The following TRIM40 variants were observed in gnomAD, a reference collection of about 807,000 sequenced individuals.
The protein encoded by TRIM40 is tripartite motif containing 40.
TRIM40 carries 27 observed loss-of-function variants against 26.1 expected under a neutral mutation model. The observed-to-expected ratio is 1.04, with a 90% CI of 0.76 to 1.43. The LOEUF is 1.43. TRIM40 is among the 40% of genes most tolerant of loss of function. The pLI is 0.00. For synonymous variants in TRIM40, 114 were observed against 120.0 expected (o/e 0.95, Z 0.33); for missense variants, 289 against 307.9 (o/e 0.94, Z 0.46).
In TRIM40 at chr6:30,137,351, G is replaced by C; in HGVS notation, c.315G>C (p.Leu105=). The change falls in exon 2 of 6, where the codon CTG becomes CTC. Residue 105 remains leucine (L), a synonymous_variant. Coordinates refer to ENST00000396581, the MANE Select transcript of TRIM40 (RefSeq NM_001286633.2). The part of the protein sequence containing the change: ...VSPEHMSHHE[L]TIENALSHYK... ...CTGAACACATGTCTCATCATGAACT[G>C]ACCATTGAAAATGCCCTCAGCCACT... is the stretch of plus-strand genomic sequence containing the variant. 3 of 1,612,832 alleles carry C rather than the reference G, an allele frequency of 1.9e-6. No individual in the cohort carries two copies. Among genetic ancestry groups the C allele is most frequent in the African/African-American group, 1.3e-5 (1 of 75,036 alleles).
Position 30,137,030 on chromosome 6 carries a change from C to A in TRIM40, c.-7C>A. On this transcript the variant is annotated 5_prime_UTR_variant, in exon 2 of 6. Transcript: ENST00000396581. ...AAACAGGAGGCTGACAGGGTAGGAA[C>A]GAGGCCATGATCCCTTTGCAGAAGG... The A allele has an allele frequency of 1.2e-6, 2 of 1,610,446 alleles. No homozygotes were observed. The highest frequency in any genetic ancestry group is 2.2e-5 in the East Asian group (1 of 44,860).
rs115401738 is a variant in TRIM40 at position 30,146,222 on chromosome 6, T to G, written c.441+133T>G. 3.2e-3 allele frequency: 2,318 copies of G among 733,190 alleles called. 34 individuals carry two copies. Among genetic ancestry groups the G allele is most frequent in the African/African-American group, 0.029 (1,606 of 56,190 alleles). The allele number at this position is 733,190 out of a possible 1,614,324, so 45.4% of individuals were successfully genotyped here. ...TGGTCGTGGAGGCTGAAAACCCGGG[T>G]GTTGGCCTTGGCGTCAAAGTTTGCT... On this transcript the variant is annotated intron_variant, in intron 3 of 5. Transcript: ENST00000396581.
At position 30,146,033 on chromosome 6, in the gene TRIM40, A is replaced by G. The variant is rs756736413; in HGVS notation, c.385A>G (p.Ile129Val). The G allele has an allele frequency of 3.4e-5, 55 of 1,612,948 alleles. No homozygotes were observed. The highest frequency in any genetic ancestry group is 4.4e-5 in the Non-Finnish European group (52 of 1,180,034). Residue 129 changes from isoleucine (I) to valine (V), a missense_variant, in exon 3 of 6, where the codon ATT becomes GTT. By Grantham distance (29) the Ile-to-Val change is conservative. Transcript: ENST00000396581. ...NRRSRKLRKD[I>V]AELQRLKAQQ... ...CCGGAGCAGGAAGCTCAGAAAGGAC[A>G]TTGCAGAACTTCAGCGGCTCAAGGC... is the stretch of plus-strand genomic sequence containing the variant.
At chr6:30,145,468 C>A (rs9261511) in intron 2 of TRIM40, among the ~76,000 whole-genome samples, 26,848 of 152,052 alleles carry the variant, frequency 0.18, 2,934 homozygotes, top group East Asian at 0.24. Context: ...AAGGACACAG[C>A]GACACATCCA....
chr6:30,136,854 C>A lies in TRIM40; in HGVS notation c.-183C>A. ...GGTTTGTGTGGTCTATGTCACGGCA[C>A]CCTTGAGGGAGAGTGGGCAATTGCC... is the stretch of plus-strand genomic sequence containing the variant. On this transcript the variant is annotated 5_prime_UTR_variant, in exon 2 of 6. Coordinates refer to ENST00000396581, the MANE Select transcript of TRIM40 (RefSeq NM_001286633.2). 1.6e-6 allele frequency: 1 copy of A among 610,770 alleles called. No individual in the cohort carries two copies. The highest frequency in any genetic ancestry group is 2.0e-5 in the South Asian group (1 of 49,250). The allele number at this position is 610,770 out of a possible 1,614,324, so 37.8% of individuals were successfully genotyped here.
intron 2 of TRIM40, among the ~76,000 whole-genome samples, 159 bp downstream of exon 2, chr6:30,137,540 G>C (rs1771092567): frequency 6.6e-6 from 1 of 152,140 alleles, no homozygotes; most frequent in Non-Finnish European, 1.5e-5. Flanking sequence ...TTGCTTTTCT[G>C]TGTATATTTT....
intron 2 of TRIM40, among the ~76,000 whole-genome samples, chr6:30,138,029 T>A (rs944394198): frequency 6.6e-6 from 1 of 152,042 alleles, no homozygotes; most frequent in African/African-American, 2.4e-5. Context: ...TTTTTGTACA[T>A]CCTTCCAAAA....
intron 2 of TRIM40, 120 bp downstream of exon 2, chr6:30,137,501 T>A (rs1771090455): frequency 1.1e-6 from 1 of 873,284 alleles, no homozygotes; most frequent in African/African-American, 1.7e-5. Flanking sequence ...CTTTGTTTCT[T>A]CTGCTTCATC....
intron 2 of TRIM40, among the ~76,000 whole-genome samples, chr6:30,140,324 T>C (rs1427601835): frequency 6.6e-6 from 1 of 152,202 alleles, no homozygotes; most frequent in Non-Finnish European, 1.5e-5. Context: ...CCAACCCAAA[T>C]GCCCATCAAC....
At chr6:30,146,419 A>AT (rs533553305) in intron 3 of TRIM40, among the ~76,000 whole-genome samples, 2,014 of 148,240 alleles carry the variant, frequency 0.014, 35 homozygotes, top group African/African-American at 0.035. Flanking sequence ...ATTTTATTTT[A>AT]TTTTTTTTTT....
intron 2 of TRIM40, among the ~76,000 whole-genome samples, chr6:30,143,294 G>A (rs117432766): frequency 0.021 from 3,266 of 152,054 alleles, 83 homozygotes; most frequent in Admixed American, 0.057. Flanking sequence ...TCTTTGCTGA[G>A]CTCATGTATT....
chr6:30,141,107 TACTATCTCTAGA>T (rs1301425674), intron 2 of TRIM40, among the ~76,000 whole-genome samples: 2 of 152,088 alleles, frequency 1.3e-5, no homozygotes, highest in African/African-American at 4.8e-5. Flanking sequence ...CACAGTGAGA[TACTATCTCTAGA>T]ACAACAACAG....
intron 2 of TRIM40, among the ~76,000 whole-genome samples, chr6:30,140,025 C>T (rs1352877934): frequency 6.6e-6 from 1 of 152,150 alleles, no homozygotes; most frequent in Non-Finnish European, 1.5e-5. Flanking sequence ...AATGAGATAC[C>T]ATCTCTGCCA....
At position 30,147,813 on chromosome 6, in the gene TRIM40, C is replaced by G. The variant is rs368770696; in HGVS notation, c.*1C>G. Reference sequence around the variant, plus strand: ...TCTTCAGCCCCCTCAGAAGCTCTGACCTGTTCATCCCTGGGACACCTCACT... The same window carrying G: ...TCTTCAGCCCCCTCAGAAGCTCTGAGCTGTTCATCCCTGGGACACCTCACT... On this transcript the variant is annotated 3_prime_UTR_variant, in exon 6 of 6. Transcript: ENST00000396581. The G allele has an allele frequency of 5.0e-6, 8 of 1,613,582 alleles. No individual in the cohort carries two copies. Among genetic ancestry groups the G allele is most frequent in the Non-Finnish European group, 6.8e-6 (8 of 1,179,588 alleles).
chr6:30,146,286 A>T (rs374485225), intron 3 of TRIM40, among the ~76,000 whole-genome samples, 197 bp downstream of exon 3: 1 of 152,190 alleles, frequency 6.6e-6, no homozygotes, highest in Non-Finnish European at 1.5e-5. Context: ...TCTGATCTTT[A>T]TGTGACTTAC....
chr6:30,136,246 G>T (rs984230672), intron 1 of TRIM40, 57 bp downstream of exon 1: 2 of 152,270 alleles, frequency 1.3e-5, no homozygotes, highest in African/African-American at 4.8e-5. Flanking sequence ...GCAGCATGAG[G>T]GAATAAGAGT....
At chr6:30,138,749 A>G (rs960885493) in intron 2 of TRIM40, among the ~76,000 whole-genome samples, 1 of 152,204 alleles carries the variant, frequency 6.6e-6, no homozygotes, top group Non-Finnish European at 1.5e-5. Flanking sequence ...ACAATTGACA[A>G]TATTTTCACA....
chr6:30,136,639 A>T lies in TRIM40; in HGVS notation c.-304-94A>T, dbSNP rs143848120. 444 of 231,052 alleles carry T rather than the reference A, an allele frequency of 1.9e-3. 2 individuals carry two copies. Among genetic ancestry groups the T allele is most frequent in the African/African-American group, 7.7e-3 (339 of 43,818 alleles). 14.3% of individuals were successfully genotyped at this position (231,052 alleles called of 1,614,324 possible). A position where few individuals can be genotyped will look rare whatever the true frequency, so the allele number is the denominator to read the frequency against. ...TCTGGCTTTTGGCCATGACAATGAC[A>T]CCTTGCCCTTTTAATTTGGGGCCCG... On this transcript the variant is annotated intron_variant, in intron 1 of 5. Transcript: ENST00000396581.
At position 30,147,731 on chromosome 6, in the gene TRIM40, T is replaced by C; in HGVS notation, c.696T>C (p.Ala232=). 1 of 1,614,112 alleles carries C rather than the reference T, an allele frequency of 6.2e-7. No homozygotes were observed. The highest frequency in any genetic ancestry group is 8.5e-7 in the Non-Finnish European group (1 of 1,179,924). ...AAGATTTCTTTGTTTCTAGGAGTGCTCCACAGAAATTAGAGGTTATTTATC... is the reference window on the plus strand; with the variant it reads ...AAGATTTCTTTGTTTCTAGGAGTGCCCCACAGAAATTAGAGGTTATTTATC... The part of the protein sequence containing the change: ...KNAGDLLNRS[A]PQKLEVIYPQ... The change falls in exon 6 of 6, where the codon GCT becomes GCC. Residue 232 remains alanine, a synonymous_variant. Coordinates refer to ENST00000396581, the MANE Select transcript of TRIM40 (RefSeq NM_001286633.2).
Sources: gnomAD v4.1 joint callset for allele counts (sites outside exome capture counted in the v4.1 genomes callset) on GRCh38, gnomAD v4.1.1 for gene constraint, MANE v1.5 for transcripts, NCBI Gene and HGNC (gene_info 2026-07-23, HGNC 2026-07-21) for gene names.